Variants in OTUD3 observed in about 807,000 individuals in gnomAD.
OTUD3 encodes OTU deubiquitinase 3, also known as OTU domain-containing protein 3.
A neutral mutation model predicts 46.2 loss-of-function variants in OTUD3; 24 were observed. That is an observed-to-expected ratio of 0.52 (90% confidence interval 0.38 to 0.73). The LOEUF is 0.73. OTUD3 is among the 30% of genes least tolerant of loss of function. The pLI is 0.00. For synonymous variants in OTUD3, 189 were observed against 195.4 expected, an observed-to-expected ratio of 0.97 and a Z score of 0.27; for missense variants, 455 against 523.3, an observed-to-expected ratio of 0.87 and a Z score of 1.27.
chr1:19,904,728 A>C (rs1443683008), intron 5 of OTUD3, among the ~76,000 whole-genome samples, 163 bp from the exon 6 acceptor site: 2 of 152,216 alleles, frequency 1.3e-5, no homozygotes, highest in Non-Finnish European at 2.9e-5. Context: ...CAAGGGACCA[A>C]CCTTATTGGA....
Position 19,909,970 on chromosome 1 carries a change from A to G in OTUD3, c.*2224A>G, listed in dbSNP as rs1215424430. ...TACAGTTGGTCTGTTTAGTGTGTTA[A>G]TTATTAGGAATCGGGTACATGCATC... On this transcript the variant is annotated 3_prime_UTR_variant, in exon 8 of 8. Transcript: ENST00000375120. 6.6e-6 allele frequency: 1 copy of G among 152,314 alleles called. No individual in the cohort carries two copies. The highest frequency in any genetic ancestry group is 1.5e-5 in the Non-Finnish European group (1 of 68,018). The allele number at this position is 152,314 out of a possible 1,614,324, so 9.4% of individuals were successfully genotyped here. A position where few individuals can be genotyped will look rare whatever the true frequency, so the allele number is the denominator to read the frequency against.
At chr1:19,886,966 G>C (rs1177320565) in intron 1 of OTUD3, among the ~76,000 whole-genome samples, 4 of 152,206 alleles carry the variant, frequency 2.6e-5, no homozygotes, top group Admixed American at 1.3e-4. Context: ...ACATTAAAAA[G>C]AAACAGGTGA....
Position 19,882,466 on chromosome 1 carries a change from G to A in OTUD3, c.-48G>A, listed in dbSNP as rs1330230396. 2 of 1,330,572 alleles carry A rather than the reference G, an allele frequency of 1.5e-6. No homozygotes were observed. Among genetic ancestry groups the A allele is most frequent in the Admixed American group, 3.9e-5 (1 of 25,918 alleles). 82.4% of individuals were successfully genotyped at this position (1,330,572 alleles called of 1,614,324 possible). ...CCCAACGCTTGAGGCGGACGCTGGG[G>A]GGTCCTGCGCCTTTCCCTCCTGCCG... On this transcript the variant is annotated 5_prime_UTR_variant, in exon 1 of 8. Coordinates refer to ENST00000375120, the MANE Select transcript of OTUD3 (RefSeq NM_015207.2).
intron 2 of OTUD3, among the ~76,000 whole-genome samples, chr1:19,893,134 T>C (rs1217292287): frequency 6.6e-6 from 1 of 152,122 alleles, no homozygotes; most frequent in Non-Finnish European, 1.5e-5. Context: ...ACACCTTACC[T>C]CCCGCTCCTC....
intron 7 of OTUD3, 101 bp downstream of exon 7, chr1:19,906,717 T>A: frequency 8.9e-7 from 1 of 1,127,094 alleles, no homozygotes; most frequent in Non-Finnish European, 1.2e-6. Flanking sequence ...CCTTCTGATT[T>A]ATAAAAGTAG....
chr1:19,902,785 C>G lies in OTUD3; in HGVS notation c.607-1482C>G, dbSNP rs991436324. Among the ~76,000 whole-genome samples the G allele has an allele frequency of 3.9e-5, 6 of 152,112 alleles. No homozygotes were observed. The South Asian group carries it at 1.0e-3, about 26-fold the overall frequency. On this transcript the variant is annotated intron_variant, in intron 4 of 7. Coordinates refer to ENST00000375120, the MANE Select transcript of OTUD3 (RefSeq NM_015207.2). ...TACAGAATTATATCATCTACAAAGA[C>G]AGATTACTTTTTTCTTTTTAATTTT...
At chr1:19,901,035 G>A (rs535103118) in intron 4 of OTUD3, among the ~76,000 whole-genome samples, 7 of 146,826 alleles carry the variant, frequency 4.8e-5, no homozygotes, top group African/African-American at 1.3e-4. Flanking sequence ...TCAGCCTCCC[G>A]AGTAGCTGGG....
At chr1:19,885,058 G>A (rs1571156700) in intron 1 of OTUD3, among the ~76,000 whole-genome samples, 1 of 152,134 alleles carries the variant, frequency 6.6e-6, no homozygotes, top group Admixed American at 6.5e-5. Flanking sequence ...CAAGAGAACG[G>A]TCCCATCTGA....
At chr1:19,905,493 A>G (rs1440754974) in intron 6 of OTUD3, among the ~76,000 whole-genome samples, 2 of 152,134 alleles carry the variant, frequency 1.3e-5, no homozygotes, top group African/African-American at 4.8e-5. Context: ...CTGTAATCCC[A>G]GCACTTTGGG....
At position 19,908,779 on chromosome 1, in the gene OTUD3, A is replaced by G. The variant is rs1295012188; in HGVS notation, c.*1033A>G. The G allele has an allele frequency of 1.3e-5, 2 of 152,376 alleles. No homozygotes were observed. The highest frequency in any genetic ancestry group is 2.9e-5 in the Non-Finnish European group (2 of 68,040). 9.4% of individuals were successfully genotyped at this position (152,376 alleles called of 1,614,324 possible). A position where few individuals can be genotyped will look rare whatever the true frequency, so the allele number is the denominator to read the frequency against. On this transcript the variant is annotated 3_prime_UTR_variant, in exon 8 of 8. Coordinates refer to ENST00000375120, the MANE Select transcript of OTUD3 (RefSeq NM_015207.2). ...GGTCGCTAAACTTAGTATTGTGGAA[A>G]TTAAATCTTATAAAATGCTACATTT...
chr1:19,893,804 A>G (rs1230607350), intron 2 of OTUD3, among the ~76,000 whole-genome samples: 1 of 152,172 alleles, frequency 6.6e-6, no homozygotes, highest in African/African-American at 2.4e-5. Flanking sequence ...ATTAGTGCCT[A>G]TCTTGTTTGC....
chr1:19,912,501 A>T lies in OTUD3; in HGVS notation c.*4755A>T, dbSNP rs1274889842. 6.5e-6 allele frequency: 1 copy of T among 153,000 alleles called. No individual in the cohort carries two copies. The highest frequency in any genetic ancestry group is 2.4e-5 in the African/African-American group (1 of 41,452). 9.5% of individuals were successfully genotyped at this position (153,000 alleles called of 1,614,324 possible). On this transcript the variant is annotated 3_prime_UTR_variant, in exon 8 of 8. Coordinates refer to ENST00000375120, the MANE Select transcript of OTUD3 (RefSeq NM_015207.2). ...TCACACCCGGGGGCTCCCCTTTCCC[A>T]TGTAGAAGTGTTGGCATGCGTCAGT...
chr1:19,900,140 C>T (rs2045566697), intron 4 of OTUD3, among the ~76,000 whole-genome samples: 1 of 152,118 alleles, frequency 6.6e-6, no homozygotes, highest in Non-Finnish European at 1.5e-5. Flanking sequence ...GAAAGTCTTT[C>T]CCACTCTGAG....
At chr1:19,883,381 A>G (rs1388270989) in intron 1 of OTUD3, among the ~76,000 whole-genome samples, 2 of 152,068 alleles carry the variant, frequency 1.3e-5, no homozygotes, top group African/African-American at 4.8e-5. Flanking sequence ...GGGGAGGAGG[A>G]AGAAAATTAG....
At chr1:19,903,996 A>G (rs144266396) in intron 4 of OTUD3, among the ~76,000 whole-genome samples, 4 of 152,234 alleles carry the variant, frequency 2.6e-5, no homozygotes, top group African/African-American at 9.6e-5. Context: ...GTCATTTGCC[A>G]GTGTTGGCAT....
At chr1:19,884,648 A>G (rs1333333578) in intron 1 of OTUD3, among the ~76,000 whole-genome samples, 1 of 152,196 alleles carries the variant, frequency 6.6e-6, no homozygotes, top group Non-Finnish European at 1.5e-5. Flanking sequence ...AAGAATACAC[A>G]CACATTCCAT....
At chr1:19,906,326 CTT>C in intron 6 of OTUD3, 104 bp from the exon 7 acceptor site, 1 of 954,936 alleles carries the variant, frequency 1.0e-6, no homozygotes, top group African/African-American at 1.7e-5. Flanking sequence ...ACTTACTTCC[CTT>C]ATGACTGAAG....
At chr1:19,883,825 A>T (rs948863122) in intron 1 of OTUD3, among the ~76,000 whole-genome samples, 1 of 152,120 alleles carries the variant, frequency 6.6e-6, no homozygotes, top group African/African-American at 2.4e-5. Flanking sequence ...TGTTTTAAAA[A>T]TTTTCACATT....
Position 19,906,329 on chromosome 1 carries a change from A to G in OTUD3, c.836-103A>G. 9.2e-6 allele frequency: 9 copies of G among 978,248 alleles called. No homozygotes were observed. The South Asian group carries it at 2.0e-4, about 22-fold the overall frequency. 60.6% of individuals were successfully genotyped at this position (978,248 alleles called of 1,614,324 possible). On this transcript the variant is annotated intron_variant, in intron 6 of 7. Transcript: ENST00000375120. ...TGTCTCAAGGAAACTTACTTCCCTT[A>G]TGACTGAAGTAGGGACCCAGGTAAT...
Sources: allele counts gnomAD v4.1 joint callset (sites outside exome capture counted in the v4.1 genomes callset), GRCh38; gene constraint gnomAD v4.1.1; transcripts MANE v1.5; gene names NCBI Gene and HGNC (gene_info 2026-07-23, HGNC 2026-07-21).